LINGO2: variants seen among roughly 807,000 people sequenced by gnomAD.
LINGO2 encodes leucine rich repeat and Ig domain containing 2.
LINGO2 carries 14 observed loss-of-function variants against 30.6 expected under a neutral mutation model. The ratio of observed to expected loss-of-function variants is 0.46; its 90% CI spans 0.30 to 0.72. The LOEUF (loss-of-function observed/expected upper bound fraction) is 0.72, where lower values mean the gene tolerates loss of function less well. Ranked by LOEUF, LINGO2 falls within the 30% of genes least tolerant of loss-of-function variation. The pLI, the probability that LINGO2 is intolerant of heterozygous loss-of-function variation, is 0.07. For missense variants in LINGO2, 729 were observed against 751.7 expected (o/e 0.97, Z 0.35); for synonymous variants, 317 against 288.5 (o/e 1.10, Z -1.00).
At chr9:28,322,438 TAC>T (rs61397051) in intron 3 of LINGO2, among the ~76,000 whole-genome samples, 2,218 of 150,498 alleles carry the variant, frequency 0.015, 44 homozygotes, top group African/African-American at 0.043. Flanking sequence ...AGGCACTCAG[TAC>T]ACACACACAC....
intron 2 of LINGO2, among the ~76,000 whole-genome samples, chr9:28,428,851 T>C (rs771096415): frequency 6.6e-6 from 1 of 152,136 alleles, no homozygotes; most frequent in South Asian, 2.1e-4. Flanking sequence ...TAATATCTAC[T>C]GCATTTAGGG....
the LINGO2 span, among the ~76,000 whole-genome samples, chr9:28,847,813 ATATATACATATATATG>A: frequency 1.3e-4 from 5 of 37,574 alleles, no homozygotes; most frequent in Non-Finnish European, 2.4e-4. Flanking sequence ...GTATATATGT[ATATATACATATATATG>A]TATAGTATAT....
At chr9:28,933,619 A>G in the LINGO2 span, among the ~76,000 whole-genome samples, 1 of 152,150 alleles carries the variant, frequency 6.6e-6, no homozygotes, top group Admixed American at 6.5e-5. Context: ...CAAAATCCGG[A>G]CAAACAGAGC....
the LINGO2 span, among the ~76,000 whole-genome samples, chr9:29,064,013 T>TGACTTAATTAGAAGCTTCAC: frequency 6.6e-6 from 1 of 152,146 alleles, no homozygotes; most frequent in African/African-American, 2.4e-5. Context: ...CAAAGCTTTA[T>TGACTTAATTAGAAGCTTCAC]GACTTAATTA....
intron 3 of LINGO2, among the ~76,000 whole-genome samples, chr9:28,300,356 C>G (rs114290469): frequency 1.7e-4 from 26 of 152,128 alleles, no homozygotes; most frequent in Admixed American, 1.6e-3. Context: ...TGACATAAAG[C>G]AAGATCTAAG....
intron 4 of LINGO2, among the ~76,000 whole-genome samples, chr9:28,188,970 G>T (rs1049162415): frequency 6.6e-6 from 1 of 152,066 alleles, no homozygotes; most frequent in Admixed American, 6.6e-5. Context: ...TGGAGAGAGA[G>T]GTGGGAAGGA....
the LINGO2 span, among the ~76,000 whole-genome samples, chr9:29,015,167 G>C: frequency 1.3e-5 from 2 of 152,076 alleles, no homozygotes; most frequent in Non-Finnish European, 2.9e-5. Context: ...AGGATGAGAC[G>C]AGGGTAGATG....
chr9:29,098,887 A>T, the LINGO2 span, among the ~76,000 whole-genome samples: 11 of 152,132 alleles, frequency 7.2e-5, no homozygotes, highest in Non-Finnish European at 1.3e-4. Context: ...AAATCCTAAA[A>T]TTTATATGGA....
chr9:28,086,649 C>A (rs1825924187), intron 4 of LINGO2, among the ~76,000 whole-genome samples: 3 of 148,290 alleles, frequency 2.0e-5, no homozygotes, highest in South Asian at 4.7e-4. Context: ...GTCTTGATGG[C>A]AAATTTTTAA....
intron 2 of LINGO2, among the ~76,000 whole-genome samples, chr9:28,468,830 G>C (rs902291868): frequency 1.3e-4 from 20 of 152,156 alleles, no homozygotes; most frequent in Admixed American, 8.5e-4. Flanking sequence ...CACAGAGCCA[G>C]TGTGCAAAAA....
the LINGO2 span, among the ~76,000 whole-genome samples, chr9:28,756,552 T>C: frequency 3.0e-4 from 46 of 151,988 alleles, no homozygotes; most frequent in African/African-American, 1.1e-3. Context: ...GGCAGAATGA[T>C]ATTGTTTGGC....
intron 2 of LINGO2, among the ~76,000 whole-genome samples, chr9:28,474,054 A>C (rs183788061): frequency 3.6e-4 from 55 of 152,248 alleles, no homozygotes; most frequent in Admixed American, 1.6e-3. Flanking sequence ...TGGTAAAATA[A>C]TTATTAATAA....
the LINGO2 span, among the ~76,000 whole-genome samples, chr9:29,125,858 T>C: frequency 6.6e-6 from 1 of 152,152 alleles, no homozygotes; most frequent in Non-Finnish European, 1.5e-5. Flanking sequence ...AGATGTTCAT[T>C]CTAAATGTGG....
chr9:28,400,554 T>A lies in LINGO2; in HGVS notation c.-278-27686A>T, dbSNP rs553307756. On this transcript the variant is annotated intron_variant, in intron 2 of 5. Transcript: ENST00000379992. ...GTTTGTTGGAGAGTTAAGAATAACA[T>A]GACTAAGGGATGTAAAAGTGCCTTG... 2.0e-5 allele frequency among the ~76,000 whole-genome samples: 3 copies of A among 152,312 alleles called. No individual in the cohort carries two copies. In the South Asian group the frequency reaches 6.2e-4, roughly 32 times the overall value.
At chr9:29,068,182 G>A in the LINGO2 span, among the ~76,000 whole-genome samples, 1 of 151,626 alleles carries the variant, frequency 6.6e-6, no homozygotes, top group Non-Finnish European at 1.5e-5. Flanking sequence ...ATCAGAACTT[G>A]CAAATAAAAC....
intron 5 of LINGO2, among the ~76,000 whole-genome samples, chr9:28,009,196 G>C (rs1430403094): frequency 6.7e-6 from 1 of 150,190 alleles, no homozygotes; most frequent in East Asian, 1.9e-4. Context: ...ATATGCAAAA[G>C]AATAAAGTTG....
intron 2 of LINGO2, among the ~76,000 whole-genome samples, chr9:28,387,603 T>C (rs1378362835): frequency 2.0e-5 from 3 of 152,214 alleles, no homozygotes; most frequent in Non-Finnish European, 4.4e-5. Context: ...TACGAAGGTC[T>C]GCATCTTCAT....
the LINGO2 span, among the ~76,000 whole-genome samples, chr9:28,969,103 T>C: frequency 1.3e-5 from 2 of 152,184 alleles, no homozygotes; most frequent in East Asian, 3.8e-4. Context: ...GATCACATTT[T>C]ACTGGGGTTA....
At chr9:28,316,483 G>A (rs544198672) in intron 3 of LINGO2, among the ~76,000 whole-genome samples, 1 of 152,198 alleles carries the variant, frequency 6.6e-6, no homozygotes, top group South Asian at 2.1e-4. Flanking sequence ...GGGAATAGAG[G>A]CAAAGAAGTG....
Sources: allele counts gnomAD v4.1 joint callset (sites outside exome capture counted in the v4.1 genomes callset), GRCh38; gene constraint gnomAD v4.1.1; transcripts MANE v1.5; gene names NCBI Gene and HGNC (gene_info 2026-07-23, HGNC 2026-07-21).